Variants in POLN observed in about 807,000 individuals in gnomAD.
The protein encoded by POLN is DNA polymerase nu.
A neutral mutation model predicts 113.5 loss-of-function variants in POLN; 108 were observed. That is an observed-to-expected ratio of 0.95 (90% CI 0.81 to 1.12). POLN has a LOEUF of 1.12. POLN is among the 50% of genes most tolerant of loss of function. POLN has a pLI of 0.00. For missense variants in POLN, 1,097 were observed against 1,077.1 expected, an observed-to-expected ratio of 1.02 and a Z score of -0.26; for synonymous variants, 386 against 391.5, an observed-to-expected ratio of 0.99 and a Z score of 0.17.
intron 4 of POLN, among the ~76,000 whole-genome samples, chr4:2,211,243 C>T (rs1005859921): frequency 2.2e-5 from 3 of 138,988 alleles, no homozygotes; most frequent in East Asian, 2.1e-4. Flanking sequence ...AGCGAGACTC[C>T]GTCTCCAAAT....
chr4:2,173,810 C>A, intron 11 of POLN, 145 bp downstream of exon 11: 1 of 779,680 alleles, frequency 1.3e-6, no homozygotes, highest in South Asian at 1.6e-5. Context: ...TTCTCCCCTG[C>A]AGGCGTCAGA....
chr4:2,155,408 A>C (rs1732399188), intron 16 of POLN, among the ~76,000 whole-genome samples: 1 of 152,178 alleles, frequency 6.6e-6, no homozygotes, highest in Non-Finnish European at 1.5e-5. Context: ...GTGGGTGTCC[A>C]TGCACCCAAG....
chr4:2,199,165 T>A (rs925550883), intron 5 of POLN, among the ~76,000 whole-genome samples: 4 of 152,144 alleles, frequency 2.6e-5, no homozygotes, highest in Admixed American at 2.6e-4. Context: ...GAAAATAAAA[T>A]TTTTTAAAAC....
intron 2 of POLN, chr4:2,230,680 CAT>C (rs1343234995): frequency 6.6e-6 from 1 of 151,776 alleles, no homozygotes; most frequent in Non-Finnish European, 1.5e-5. Context: ...TAAAAAATTC[CAT>C]AAAGACCACC....
At chr4:2,233,930 T>C (rs1452032408) in intron 2 of POLN, among the ~76,000 whole-genome samples, 1 of 152,026 alleles carries the variant, frequency 6.6e-6, no homozygotes, top group African/African-American at 2.4e-5. Context: ...AAAAAAAGTG[T>C]ATATACCACC....
At chr4:2,203,866 T>C (rs918424664) in intron 5 of POLN, among the ~76,000 whole-genome samples, 8 of 151,936 alleles carry the variant, frequency 5.3e-5, no homozygotes, top group African/African-American at 1.9e-4. Context: ...TCCCAGCACT[T>C]TGGGCGGCAG....
intron 19 of POLN, among the ~76,000 whole-genome samples, chr4:2,122,217 T>TA (rs1188527229): frequency 2.0e-5 from 3 of 152,242 alleles, no homozygotes; most frequent in African/African-American, 7.2e-5. Context: ...AGAGGCAAAA[T>TA]AGTCTTCCTG....
rs190661317 is a variant in POLN, at chr4:2,236,628, G to C, written c.-13+4892C>G. On this transcript the variant is annotated intron_variant, in intron 2 of 25. Coordinates refer to ENST00000511885, the MANE Select transcript of POLN (RefSeq NM_181808.4). ...AATCCTAGCACTTTGGGAGGCCAAGGCGGGCAGATTGCCTGAGCTCAGGAG... is the reference window on the plus strand; with the variant it reads ...AATCCTAGCACTTTGGGAGGCCAAGCCGGGCAGATTGCCTGAGCTCAGGAG... 1.0e-3 allele frequency among the ~76,000 whole-genome samples: 155 copies of C among 152,136 alleles called. 1 individual carries two copies. Among genetic ancestry groups the C allele is most frequent in the African/African-American group, 3.6e-3 (149 of 41,500 alleles).
rs759965830 is a variant in POLN, at chr4:2,208,447, G to A, written c.254C>T (p.Ala85Val). 10 of 1,573,618 alleles carry A rather than the reference G, an allele frequency of 6.4e-6. No homozygotes were observed. The highest frequency in any genetic ancestry group is 4.7e-5 in the South Asian group (4 of 84,782). The change falls in exon 5 of 26, where the codon GCC becomes GTC. Residue 85 changes from alanine to valine, a missense_variant. Transcript: ENST00000511885. Reference protein sequence around the residue: ...SLRSQTSRGSAKLSPQSFSVR... With the variant: ...SLRSQTSRGSVKLSPQSFSVR... ...ACTGAAGGACTGAGGAGACAGCTTG[G>A]CAGAACCTCTTGATGTCTGACTTCT...
At chr4:2,129,074 A>G in intron 18 of POLN, 105 bp downstream of exon 18, 1 of 821,384 alleles carries the variant, frequency 1.2e-6, no homozygotes. Flanking sequence ...AAAAAAAAAA[A>G]AAGAATTTAT....
chr4:2,101,320 G>C (rs1730917997), intron 19 of POLN, among the ~76,000 whole-genome samples: 1 of 151,958 alleles, frequency 6.6e-6, no homozygotes, highest in Admixed American at 6.6e-5. Context: ...CCACTTAAAA[G>C]AACCAAAATG....
At chr4:2,175,607 T>C (rs6856978) in intron 9 of POLN, among the ~76,000 whole-genome samples, 37,309 of 151,920 alleles carry the variant, frequency 0.25, 7,037 homozygotes, top group African/African-American at 0.51. Context: ...TGAGTCTCAT[T>C]GTTTTTAGTT....
chr4:2,174,994 A>T (rs1328263430), intron 9 of POLN, among the ~76,000 whole-genome samples: 1 of 151,956 alleles, frequency 6.6e-6, no homozygotes, highest in African/African-American at 2.4e-5. Flanking sequence ...GGCTAATTTT[A>T]AAAATTTTTA....
intron 25 of POLN, 132 bp downstream of exon 25, chr4:2,072,836 G>T: frequency 1.1e-6 from 1 of 922,584 alleles, no homozygotes; most frequent in Non-Finnish European, 1.7e-6. Flanking sequence ...AGCCTCCACG[G>T]CTGTGCCTGC....
In POLN at chr4:2,164,802, CAAAAAAAAAAAAAAAAAAAA is replaced by C. The variant is rs33935159; in HGVS notation, c.1555-5611_1555-5592del. Among the ~76,000 whole-genome samples the C allele has an allele frequency of 3.7e-3, 105 of 28,718 alleles. 1 individual carries two copies. The highest frequency in any genetic ancestry group is 6.1e-3 in the African/African-American group (53 of 8,636). The allele number at this position is 28,718 out of a possible 152,430, so 18.8% of individuals were successfully genotyped here. A position where few individuals can be genotyped will look rare whatever the true frequency, so the allele number is the denominator to read the frequency against. On this transcript the variant is annotated intron_variant, in intron 13 of 25. Coordinates refer to ENST00000511885, the MANE Select transcript of POLN (RefSeq NM_181808.4). The stretch of plus-strand genomic sequence containing the variant: ...TGGCCGATGGAGCAAGACTCTGTCT[CAAAAAAAAAAAAAAAAAAAA>C]AAAAAAAAAAAAAAAAAAAAGAGTG...
At chr4:2,182,631 A>G (rs1733171352) in intron 7 of POLN, among the ~76,000 whole-genome samples, 1 of 152,212 alleles carries the variant, frequency 6.6e-6, no homozygotes, top group African/African-American at 2.4e-5. Flanking sequence ...GGAAACTAAT[A>G]CAGACCCCTA....
At chr4:2,128,783 A>G (rs745549949) in intron 18 of POLN, among the ~76,000 whole-genome samples, 1 of 152,216 alleles carries the variant, frequency 6.6e-6, no homozygotes. Context: ...GGCCAGCCGC[A>G]GTGGCTTATG....
At chr4:2,085,839 T>G (rs1730537631) in intron 20 of POLN, 95 bp from the exon 21 acceptor site, 2 of 1,528,900 alleles carry the variant, frequency 1.3e-6, no homozygotes, top group Non-Finnish European at 1.8e-6. Flanking sequence ...GCAGCACTGG[T>G]CTTTTCTGAT....
At chr4:2,188,881 G>A (rs1303638040) in intron 7 of POLN, among the ~76,000 whole-genome samples, 1 of 152,120 alleles carries the variant, frequency 6.6e-6, no homozygotes, top group Non-Finnish European at 1.5e-5. Context: ...TGTGTGTAGG[G>A]GGTGGAATTA....
Sources: gnomAD v4.1 joint callset for allele counts (sites outside exome capture counted in the v4.1 genomes callset) on GRCh38, gnomAD v4.1.1 for gene constraint, MANE v1.5 for transcripts, NCBI Gene and HGNC (gene_info 2026-07-23, HGNC 2026-07-21) for gene names.